Variants in CELF2 observed in about 807,000 individuals in gnomAD.
CELF2 encodes the protein CUGBP Elav-like family member 2, also known as CUG triplet repeat RNA-binding protein 2.
CELF2 carries 8 observed loss-of-function variants against 62.6 expected under a neutral mutation model. The observed-to-expected ratio is 0.13, with a 90% CI of 0.07 to 0.23. The LOEUF (loss-of-function observed/expected upper bound fraction) is 0.23. CELF2 is among the 10% of genes least tolerant of loss of function. The pLI is 1.00. For synonymous variants in CELF2, 258 were observed against 250.0 expected, an observed-to-expected ratio of 1.03 and a Z score of -0.30; for missense variants, 333 against 671.0, an observed-to-expected ratio of 0.50 and a Z score of 5.56.
At chr10:10,832,022 C>T (rs536002117) in intron 1 of CELF2, among the ~76,000 whole-genome samples, 1 of 151,292 alleles carries the variant, frequency 6.6e-6, no homozygotes, top group South Asian at 2.1e-4. Flanking sequence ...AATTTCAGCA[C>T]TTTGAGAGGC....
chr10:10,700,230 C>T, the CELF2 span, among the ~76,000 whole-genome samples: 1 of 152,102 alleles, frequency 6.6e-6, no homozygotes, highest in Non-Finnish European at 1.5e-5. Context: ...AGACCCAATA[C>T]AGGAAGGCTG....
chr10:10,654,154 C>T, the CELF2 span, among the ~76,000 whole-genome samples: 6 of 135,804 alleles, frequency 4.4e-5, no homozygotes, highest in Admixed American at 1.5e-4. Context: ...TACACTCTCC[C>T]AAGACTAAAC....
chr10:10,519,888 A>G, the CELF2 span, among the ~76,000 whole-genome samples: 3 of 152,186 alleles, frequency 2.0e-5, no homozygotes, highest in East Asian at 5.8e-4. Context: ...TTAGGAGACT[A>G]AGAAATCCTT....
chr10:11,212,625 GT>G (rs2062154620), intron 2 of CELF2, among the ~76,000 whole-genome samples: 2 of 151,874 alleles, frequency 1.3e-5, no homozygotes, highest in African/African-American at 4.8e-5. Context: ...CCTCTCCCGA[GT>G]TTTCCATTGG....
At chr10:10,804,281 G>A (rs575217868) in intron 1 of CELF2, among the ~76,000 whole-genome samples, 6 of 152,324 alleles carry the variant, frequency 3.9e-5, no homozygotes, top group South Asian at 2.1e-4. Context: ...GCCATAGATG[G>A]TATGTAAACA....
At chr10:11,174,626 C>A (rs1238122131) in intron 2 of CELF2, among the ~76,000 whole-genome samples, 1 of 152,208 alleles carries the variant, frequency 6.6e-6, no homozygotes, top group Non-Finnish European at 1.5e-5. Flanking sequence ...TTACTCACCA[C>A]ACTATTTAAC....
chr10:10,720,088 G>C, the CELF2 span, among the ~76,000 whole-genome samples: 1 of 152,204 alleles, frequency 6.6e-6, no homozygotes, highest in African/African-American at 2.4e-5. Flanking sequence ...AGGAGAGGAA[G>C]GGCAGACAGT....
chr10:10,722,739 G>A, the CELF2 span, among the ~76,000 whole-genome samples: 1 of 152,332 alleles, frequency 6.6e-6, no homozygotes, highest in East Asian at 1.9e-4. Flanking sequence ...CAGCCAGCCA[G>A]GGGTGATGGG....
intron 2 of CELF2, among the ~76,000 whole-genome samples, chr10:11,208,653 T>C (rs2061030338): frequency 6.6e-6 from 1 of 152,112 alleles, no homozygotes; most frequent in African/African-American, 2.4e-5. Flanking sequence ...TTCTGGCCAG[T>C]TTTGTACAGA....
chr10:11,070,233 A>T (rs566932504), intron 1 of CELF2, among the ~76,000 whole-genome samples: 21 of 152,202 alleles, frequency 1.4e-4, no homozygotes, highest in Non-Finnish European at 2.6e-4. Context: ...AGAACAACAC[A>T]TGCAAAGGAC....
At chr10:10,906,121 A>G (rs991412697) in intron 1 of CELF2, among the ~76,000 whole-genome samples, 4 of 151,786 alleles carry the variant, frequency 2.6e-5, no homozygotes, top group African/African-American at 9.7e-5. Context: ...AAGATCTTAA[A>G]AGATGATCTG....
chr10:11,197,029 GAAAGA>G, intron 2 of CELF2, among the ~76,000 whole-genome samples: 1 of 17,560 alleles, frequency 5.7e-5, no homozygotes, highest in Admixed American at 3.5e-4. Flanking sequence ...AGAAAGAAAA[GAAAGA>G]AAGAAAGAAA....
chr10:10,649,157 G>T, the CELF2 span, among the ~76,000 whole-genome samples: 2 of 152,166 alleles, frequency 1.3e-5, no homozygotes, highest in Non-Finnish European at 2.9e-5. Flanking sequence ...GATTCTCATA[G>T]ATAACCCAGC....
At chr10:10,577,657 G>A in the CELF2 span, among the ~76,000 whole-genome samples, 2 of 151,874 alleles carry the variant, frequency 1.3e-5, no homozygotes, top group Non-Finnish European at 2.9e-5. Context: ...ATGGTTTCCA[G>A]CTTCATCCAT....
chr10:10,624,435 A>G, the CELF2 span, among the ~76,000 whole-genome samples: 1 of 152,210 alleles, frequency 6.6e-6, no homozygotes, highest in Non-Finnish European at 1.5e-5. Context: ...CTGCATCTAC[A>G]CAAGTCAAAA....
At chr10:10,620,951 C>T in the CELF2 span, among the ~76,000 whole-genome samples, 6 of 116,646 alleles carry the variant, frequency 5.1e-5, no homozygotes, top group Admixed American at 1.8e-4. Flanking sequence ...AGGCGGAGCG[C>T]GGTGGCTCAC....
chr10:11,292,204 T>C (rs1358410337), intron 9 of CELF2, among the ~76,000 whole-genome samples: 1 of 152,224 alleles, frequency 6.6e-6, no homozygotes. Context: ...TTGAAGGCTG[T>C]GACAAACACC....
the CELF2 span, among the ~76,000 whole-genome samples, chr10:10,694,856 A>G: frequency 6.6e-6 from 1 of 150,388 alleles, no homozygotes; most frequent in Non-Finnish European, 1.5e-5. Context: ...TTTGTTTTCC[A>G]TTTGCTTGGT....
At chr10:10,621,260 A>T in the CELF2 span, among the ~76,000 whole-genome samples, 1 of 149,960 alleles carries the variant, frequency 6.7e-6, no homozygotes, top group Non-Finnish European at 1.5e-5. Context: ...AAAAAAAAAA[A>T]AAAAAGGCTA....
Sources: gnomAD v4.1 joint callset for allele counts (sites outside exome capture counted in the v4.1 genomes callset) on GRCh38, gnomAD v4.1.1 for gene constraint, MANE v1.5 for transcripts, NCBI Gene and HGNC (gene_info 2026-07-23, HGNC 2026-07-21) for gene names.